The following CBFA2T3 variants were observed in gnomAD, a reference collection of about 807,000 sequenced individuals.
The protein encoded by CBFA2T3 is transcriptional corepressor CBFA2T3.
A neutral mutation model predicts 58.6 loss-of-function variants in CBFA2T3; 31 were observed. That is an observed-to-expected ratio of 0.53 (90% CI 0.40 to 0.71). CBFA2T3 has a LOEUF of 0.71. Among genes scored for constraint, CBFA2T3 ranks in the 30% least tolerant of loss-of-function variants. CBFA2T3 has a pLI of 0.00. For synonymous variants in CBFA2T3, 531 were observed against 421.9 expected (o/e 1.26, Z -3.17); for missense variants, 1,076 against 963.1 (o/e 1.12, Z -1.55).
At chr16:88,927,813 G>C (rs1225797069) in intron 1 of CBFA2T3, among the ~76,000 whole-genome samples, 1 of 152,196 alleles carries the variant, frequency 6.6e-6, no homozygotes, top group East Asian at 1.9e-4. Context: ...CTTCCCACCT[G>C]CTCCCTCAGG....
chr16:88,907,493 A>G (rs1276481527), intron 1 of CBFA2T3, among the ~76,000 whole-genome samples: 1 of 152,204 alleles, frequency 6.6e-6, no homozygotes, highest in Non-Finnish European at 1.5e-5. Context: ...AATCTCATAC[A>G]GAGGACCAAC....
At chr16:88,951,106 A>G (rs1477980200) in intron 1 of CBFA2T3, 1 of 368,280 alleles carries the variant, frequency 2.7e-6, no homozygotes, top group Admixed American at 2.7e-5. Context: ...ACAGAGGGTC[A>G]GAGTGTTGGC....
intron 1 of CBFA2T3, among the ~76,000 whole-genome samples, chr16:88,949,516 G>C (rs2142834336): frequency 6.7e-6 from 1 of 149,302 alleles, no homozygotes; most frequent in East Asian, 2.0e-4. Context: ...CTGAAATCGA[G>C]TCACCTGCAC....
intron 1 of CBFA2T3, among the ~76,000 whole-genome samples, chr16:88,913,145 G>C (rs1171046672): frequency 6.6e-6 from 1 of 152,254 alleles, no homozygotes; most frequent in African/African-American, 2.4e-5. Context: ...GCAGGATGTG[G>C]CACAAGGGAT....
At chr16:88,881,631 G>T (rs1283193008) in intron 8 of CBFA2T3, 142 bp from the exon 9 acceptor site, 1 of 796,832 alleles carries the variant, frequency 1.3e-6, no homozygotes, top group Non-Finnish European at 1.9e-6. Flanking sequence ...GTGAGGGAGG[G>T]CCCACCTCCA....
chr16:88,885,308 AG>A lies in CBFA2T3; in HGVS notation c.894-40del, dbSNP rs1969318380. The A allele has an allele frequency of 1.4e-6, 2 of 1,425,272 alleles. No individual in the cohort carries two copies. The highest frequency in any genetic ancestry group is 1.8e-4 in the Middle Eastern group (1 of 5,418). The allele number at this position is 1,425,272 out of a possible 1,614,324, so 88.3% of individuals were successfully genotyped here. ...CAGGTGGGGCGAGGGCAGTGGACAT[AG>A]GATGAACCGGGGACAGAGGTGCAGG... On this transcript the variant is annotated intron_variant, in intron 6 of 11. Transcript: ENST00000268679. This position sits in a 1 kb window ranked among gnomAD's most constrained non-coding sequence, Gnocchi z 5.3.
chr16:88,961,968 C>T (rs1972372804), intron 1 of CBFA2T3, among the ~76,000 whole-genome samples: 1 of 150,236 alleles, frequency 6.7e-6, no homozygotes. Context: ...ATTCCCACTG[C>T]ATAGTAACCG....
At chr16:88,906,286 C>G (rs1409509432) in intron 1 of CBFA2T3, among the ~76,000 whole-genome samples, 1 of 152,088 alleles carries the variant, frequency 6.6e-6, no homozygotes, top group East Asian at 1.9e-4. Context: ...CTTTGAGGCC[C>G]TGCACCTCGG....
chr16:88,936,403 C>G (rs971244027), intron 1 of CBFA2T3, among the ~76,000 whole-genome samples: 4 of 152,162 alleles, frequency 2.6e-5, no homozygotes, highest in Non-Finnish European at 5.9e-5. Context: ...TCAGGGGCAG[C>G]CAAGCATCCA....
intron 1 of CBFA2T3, among the ~76,000 whole-genome samples, chr16:88,921,423 C>T (rs1034436840): frequency 5.3e-5 from 8 of 152,208 alleles, no homozygotes; most frequent in Non-Finnish European, 1.0e-4. Context: ...TGGCTGGTGA[C>T]GGATGGGGTG....
chr16:88,933,811 G>A (rs1490350497), intron 1 of CBFA2T3, among the ~76,000 whole-genome samples: 5 of 152,112 alleles, frequency 3.3e-5, no homozygotes, highest in Non-Finnish European at 7.3e-5. Context: ...GCCACTTCAT[G>A]CCACGCGTAT....
chr16:88,934,741 G>A lies in CBFA2T3; in HGVS notation c.152-33085C>T, dbSNP rs150120808. ...TTCCACCCCCGAAGTTCAGAAGGAC[G>A]CATTCTTTTTTTCTCGGAGACGGAG... On this transcript the variant is annotated intron_variant, in intron 1 of 11. Coordinates refer to ENST00000268679, the MANE Select transcript of CBFA2T3 (RefSeq NM_005187.6). Among the ~76,000 whole-genome samples, 152 of 152,318 alleles carry A rather than the reference G, an allele frequency of 1.0e-3. 1 individual carries two copies. The East Asian group carries it at 0.024, about 24-fold the overall frequency.
At chr16:88,878,304 G>A (rs1055732540) in intron 11 of CBFA2T3, among the ~76,000 whole-genome samples, 13 of 152,362 alleles carry the variant, frequency 8.5e-5, no homozygotes, top group African/African-American at 2.6e-4. Flanking sequence ...GAGAGCAGGC[G>A]TGGAAATGGC....
chr16:88,879,324 C>A lies in CBFA2T3; in HGVS notation c.1608G>T (p.Arg536=), dbSNP rs928317598. Residue 536 remains arginine, a synonymous_variant, in exon 11 of 12, where the codon CGG becomes CGT. Transcript: ENST00000268679. The stretch of plus-strand genomic sequence containing the variant: ...CCGTCAGGGCGTCCTCGGAGGCCTG[C>A]CGCTTCGCCTCGGCCAGGGCCCGCT... ...KMERALAEAK[R]QASEDALTVI... is the part of the protein sequence containing the mutation. The A allele has an allele frequency of 6.2e-7, 1 of 1,610,630 alleles. No individual in the cohort carries two copies.
intron 1 of CBFA2T3, among the ~76,000 whole-genome samples, chr16:88,942,112 A>C (rs1011033381): frequency 3.9e-5 from 6 of 152,032 alleles, no homozygotes; most frequent in Non-Finnish European, 8.8e-5. Context: ...CGTGCGTTTC[A>C]TGTCCACCTG....
intron 1 of CBFA2T3, among the ~76,000 whole-genome samples, chr16:88,970,408 A>G (rs1325569652): frequency 6.6e-6 from 1 of 152,020 alleles, no homozygotes; most frequent in African/African-American, 2.4e-5. Flanking sequence ...CTGAGATGCG[A>G]CCTCAGCTGC....
rs914483689 is a variant in CBFA2T3, at chr16:88,927,943, T to C, written c.152-26287A>G. Among the ~76,000 whole-genome samples, 11 of 152,174 alleles carry C rather than the reference T, an allele frequency of 7.2e-5. 1 individual carries two copies. Among genetic ancestry groups the C allele is most frequent in the Admixed American group, 6.5e-4 (10 of 15,284 alleles). On this transcript the variant is annotated intron_variant, in intron 1 of 11. Coordinates refer to ENST00000268679, the MANE Select transcript of CBFA2T3 (RefSeq NM_005187.6). ...CTGACACGGGCAACCCTGCCCAGTG[T>C]GGGGCGTCCTCTGAAGTGGGAGCCG...
At position 88,877,213 on chromosome 16, in the gene CBFA2T3, G is replaced by A. The variant is rs1442220424; in HGVS notation, c.1725C>T (p.Tyr575=). 5 of 1,556,114 alleles carry A rather than the reference G, an allele frequency of 3.2e-6. No individual in the cohort carries two copies. Among genetic ancestry groups the A allele is most frequent in the African/African-American group, 1.4e-5 (1 of 73,308 alleles). Residue 575 remains tyrosine (Y), a synonymous_variant, in exon 12 of 12, where the codon TAC becomes TAT. Coordinates refer to ENST00000268679, the MANE Select transcript of CBFA2T3 (RefSeq NM_005187.6). ...ETCSGCNAAR[Y]CGSFCQHRDW... ...CCCGATGCTGGCAGAAGGACCCGCA[G>A]TAGCGTGCCGCGTTGCAGCCGCTGC...
intron 1 of CBFA2T3, among the ~76,000 whole-genome samples, chr16:88,913,640 C>T (rs769971222): frequency 2.6e-5 from 4 of 152,170 alleles, no homozygotes; most frequent in Non-Finnish European, 5.9e-5. Context: ...CTCATTCCTC[C>T]GTGGGGGGGT....
Sources: allele counts gnomAD v4.1 joint callset (sites outside exome capture counted in the v4.1 genomes callset), GRCh38; gene constraint gnomAD v4.1.1; non-coding constraint Gnocchi (gnomAD v3.1); transcripts MANE v1.5; gene names NCBI Gene and HGNC (gene_info 2026-07-23, HGNC 2026-07-21).